Variants in MGAT4C observed in about 807,000 individuals in gnomAD.
The protein encoded by MGAT4C is MGAT4 family member C, also known as alpha-1,3-mannosyl-glycoprotein 4-beta-N-acetylglucosaminyltransferase C.
In MGAT4C, 19 loss-of-function variants were observed where a neutral mutation model predicts 40.1. The observed-to-expected ratio is 0.47, with a 90% CI of 0.33 to 0.70. MGAT4C has a LOEUF of 0.70. Ranked by LOEUF, MGAT4C falls within the 30% of genes least tolerant of loss-of-function variation. MGAT4C has a pLI of 0.02. For missense variants in MGAT4C, 491 were observed against 563.2 expected (o/e 0.87, Z 1.30); for synonymous variants, 181 against 187.1 (o/e 0.97, Z 0.27).
At chr12:86,279,956 A>G (rs1365685825) in intron 4 of MGAT4C, among the ~76,000 whole-genome samples, 2 of 151,750 alleles carry the variant, frequency 1.3e-5, no homozygotes, top group African/African-American at 4.8e-5. Flanking sequence ...CTTGTTATTG[A>G]TTTCTAGTTT....
At chr12:86,085,004 G>A (rs1360822912) in intron 1 of MGAT4C, among the ~76,000 whole-genome samples, 1 of 151,616 alleles carries the variant, frequency 6.6e-6, no homozygotes, top group African/African-American at 2.4e-5. Context: ...TAAGATTTTG[G>A]GTTTTATTCT....
At chr12:86,306,550 TA>T in intron 4 of MGAT4C, among the ~76,000 whole-genome samples, 1 of 150,338 alleles carries the variant, frequency 6.7e-6, no homozygotes, top group South Asian at 2.1e-4. Context: ...TGTTTGACAG[TA>T]AAAAAAGTAT....
In MGAT4C at chr12:86,120,172, T is replaced by A. The variant is rs564806700; in HGVS notation, c.-56-70449A>T. On this transcript the variant is annotated intron_variant, in intron 1 of 4. Transcript: ENST00000611864. ...ATATGTTTGTAACAAGAGAAAAAAA[T>A]ATATATATAAATATAAAGCAGATCA... 5.8e-4 allele frequency among the ~76,000 whole-genome samples: 87 copies of A among 151,188 alleles called. 1 individual carries two copies. In the East Asian group the frequency reaches 6.0e-3, roughly 11 times the overall value.
chr12:86,060,906 T>C (rs1414692172), intron 1 of MGAT4C, among the ~76,000 whole-genome samples: 1 of 152,108 alleles, frequency 6.6e-6, no homozygotes, highest in Non-Finnish European at 1.5e-5. Context: ...AGGGGAAATT[T>C]CATATGCTTC....
At chr12:86,032,939 G>T (rs540844736) in intron 2 of MGAT4C, among the ~76,000 whole-genome samples, 1 of 149,832 alleles carries the variant, frequency 6.7e-6, no homozygotes, top group African/African-American at 2.4e-5. Context: ...GTTGATTTTT[G>T]TATATGGTGT....
chr12:86,291,021 C>T (rs574999209), intron 4 of MGAT4C, among the ~76,000 whole-genome samples: 3 of 152,240 alleles, frequency 2.0e-5, no homozygotes, highest in East Asian at 3.9e-4. Flanking sequence ...GTCAGCTGAA[C>T]AGTGTATCAT....
intron 2 of MGAT4C, among the ~76,000 whole-genome samples, chr12:86,686,065 G>T (rs1310075832): frequency 3.3e-5 from 5 of 150,906 alleles, no homozygotes; most frequent in African/African-American, 1.2e-4. Flanking sequence ...ATTTTTAGTA[G>T]AGAACATGTT....
At chr12:86,826,157 T>C (rs1258396239) in intron 1 of MGAT4C, among the ~76,000 whole-genome samples, 3 of 151,480 alleles carry the variant, frequency 2.0e-5, no homozygotes, top group African/African-American at 4.8e-5. Flanking sequence ...CCCTCTACTC[T>C]ATTGCTCTCT....
chr12:86,657,333 G>T (rs1263100646), intron 2 of MGAT4C, among the ~76,000 whole-genome samples: 2 of 151,852 alleles, frequency 1.3e-5, no homozygotes, highest in Non-Finnish European at 2.9e-5. Context: ...ATTATAGAAT[G>T]TCCTCATGAC....
chr12:86,681,808 C>A (rs1046364665), intron 2 of MGAT4C, among the ~76,000 whole-genome samples: 1 of 151,970 alleles, frequency 6.6e-6, no homozygotes, highest in Admixed American at 6.6e-5. Flanking sequence ...CATGAAATAT[C>A]TATTCCCCAT....
chr12:86,639,754 G>A (rs1256343186), intron 2 of MGAT4C, among the ~76,000 whole-genome samples: 1 of 151,600 alleles, frequency 6.6e-6, no homozygotes, highest in Non-Finnish European at 1.5e-5. Context: ...CTGTATAATA[G>A]ATATCCAATA....
intron 2 of MGAT4C, among the ~76,000 whole-genome samples, chr12:86,046,280 AAT>A (rs1361658191): frequency 6.6e-6 from 1 of 152,152 alleles, no homozygotes; most frequent in Non-Finnish European, 1.5e-5. Context: ...CTGACTTTTT[AAT>A]ATGTTTGCAC....
At chr12:86,378,822 C>G (rs969303584) in intron 3 of MGAT4C, among the ~76,000 whole-genome samples, 1 of 152,052 alleles carries the variant, frequency 6.6e-6, no homozygotes, top group Non-Finnish European at 1.5e-5. Context: ...TGCAAGGTAA[C>G]AGTCTTAAAA....
At chr12:86,497,323 A>C (rs942972521) in intron 2 of MGAT4C, among the ~76,000 whole-genome samples, 1 of 152,004 alleles carries the variant, frequency 6.6e-6, no homozygotes, top group African/African-American at 2.4e-5. Context: ...TTTCAAAGTT[A>C]AAGCAGCGTT....
upstream of MGAT4C, among the ~76,000 whole-genome samples, chr12:86,257,187 C>T (rs1003671278): frequency 1.3e-5 from 2 of 152,124 alleles, no homozygotes; most frequent in African/African-American, 4.8e-5. Flanking sequence ...AATAATTATC[C>T]ATCTCTTACC....
rs920760798 is a variant in MGAT4C, at chr12:85,960,467, G to A, written c.*18822C>T. The A allele has an allele frequency of 6.6e-6, 1 of 152,014 alleles. No homozygotes were observed. The highest frequency in any genetic ancestry group is 1.5e-5 in the Non-Finnish European group (1 of 67,910). 9.4% of individuals were successfully genotyped at this position (152,014 alleles called of 1,614,324 possible). A position where few individuals can be genotyped will look rare whatever the true frequency, so the allele number is the denominator to read the frequency against. On this transcript the variant is annotated 3_prime_UTR_variant, in exon 5 of 5. Coordinates refer to ENST00000611864, the MANE Select transcript of MGAT4C (RefSeq NM_001351288.2). ...TGGTCTGAATCACATGAGAGACATA[G>A]ATGAAAAATGTAAAACAACAATTAG... is the stretch of plus-strand genomic sequence containing the variant.
intron 2 of MGAT4C, among the ~76,000 whole-genome samples, chr12:86,683,021 A>G (rs1950008864): frequency 6.6e-6 from 1 of 152,182 alleles, no homozygotes; most frequent in African/African-American, 2.4e-5. Context: ...GATTGAAATA[A>G]CAATATGAAG....
chr12:86,597,031 A>G (rs1370926433), intron 2 of MGAT4C, among the ~76,000 whole-genome samples: 2 of 152,228 alleles, frequency 1.3e-5, no homozygotes, highest in Admixed American at 6.5e-5. Context: ...CTTTGTGGCA[A>G]TAAGATCTTA....
intron 1 of MGAT4C, among the ~76,000 whole-genome samples, chr12:86,830,581 C>T (rs1366284596): frequency 2.0e-5 from 3 of 151,734 alleles, no homozygotes; most frequent in Admixed American, 6.6e-5. Context: ...CAAGCAACTG[C>T]CAACTCTATA....
Sources: allele counts gnomAD v4.1 joint callset (sites outside exome capture counted in the v4.1 genomes callset), GRCh38; gene constraint gnomAD v4.1.1; transcripts MANE v1.5; gene names NCBI Gene and HGNC (gene_info 2026-07-23, HGNC 2026-07-21).